Variants in SNX29 observed in about 807,000 individuals in gnomAD.
SNX29 encodes the protein sorting nexin-29.
A neutral mutation model predicts 102.1 loss-of-function variants in SNX29; 78 were observed. The ratio of observed to expected loss-of-function variants is 0.76; its 90% confidence interval spans 0.64 to 0.92. The LOEUF (loss-of-function observed/expected upper bound fraction) is 0.92. Among genes scored for constraint, SNX29 ranks in the 40% least tolerant of loss-of-function variants. SNX29 has a pLI of 0.00. For synonymous variants in SNX29, 580 were observed against 414.5 expected (o/e 1.40, Z -4.85); for missense variants, 1,280 against 1,061.7 (o/e 1.21, Z -2.86).
intron 18 of SNX29, among the ~76,000 whole-genome samples, chr16:12,434,588 G>C (rs1425071244): frequency 6.6e-6 from 1 of 152,044 alleles, no homozygotes; most frequent in Non-Finnish European, 1.5e-5. Context: ...TGTGTACCCT[G>C]CAACCCCCAA....
chr16:12,516,621 T>C (rs920948838), intron 19 of SNX29, among the ~76,000 whole-genome samples: 1 of 152,092 alleles, frequency 6.6e-6, no homozygotes, highest in African/African-American at 2.4e-5. Context: ...CCAAAGCAGA[T>C]ATCTCTTAAG....
At chr16:12,312,819 C>G (rs562279251) in intron 15 of SNX29, among the ~76,000 whole-genome samples, 2 of 152,190 alleles carry the variant, frequency 1.3e-5, no homozygotes, top group African/African-American at 4.8e-5. Context: ...GGATGTTTTA[C>G]TGAGTTCACA....
chr16:12,565,642 A>G (rs1017994885), intron 20 of SNX29, among the ~76,000 whole-genome samples: 1 of 152,184 alleles, frequency 6.6e-6, no homozygotes, highest in Non-Finnish European at 1.5e-5. Context: ...TGTGACACAT[A>G]TAGCCTCGTG....
chr16:12,542,642 A>G (rs574633018), intron 20 of SNX29, among the ~76,000 whole-genome samples: 1 of 152,176 alleles, frequency 6.6e-6, no homozygotes, highest in Non-Finnish European at 1.5e-5. Flanking sequence ...TGGGTCTAAC[A>G]CTTAAACTTG....
rs1217591049 is a variant in SNX29, at chr16:12,568,584, G to A, written c.2397G>A (p.Gln799=). The change falls in exon 21 of 21, where the codon CAG becomes CAA. Residue 799 remains glutamine (Q), a synonymous_variant. Coordinates refer to ENST00000566228, the MANE Select transcript of SNX29 (RefSeq NM_032167.5). ...GCTTCCCCAAACTGTCCCGGGGTCA[G>A]CCCCGGGAGACCCGCAACGTGGAGC... ...ASRFPKLSRG[Q]PRETRNVEPQ... 7 of 1,606,854 alleles carry A rather than the reference G, an allele frequency of 4.4e-6. No individual in the cohort carries two copies. The highest frequency in any genetic ancestry group is 4.2e-6 in the Non-Finnish European group (5 of 1,179,830).
rs77538805 is a variant in SNX29 at position 12,272,156 on chromosome 16, T to C, written c.1679-5777T>C. ...CCCCAAGCCTTTAAGGTCAAAAAGC[T>C]TATTTCTGCACCTCTGCCCCCACCA... On this transcript the variant is annotated intron_variant, in intron 14 of 20. Transcript: ENST00000566228. Among the ~76,000 whole-genome samples, 785 of 152,294 alleles carry C rather than the reference T, an allele frequency of 5.2e-3. 6 individuals carry two copies. The highest frequency in any genetic ancestry group is 0.017 in the African/African-American group (717 of 41,568).
intron 20 of SNX29, among the ~76,000 whole-genome samples, chr16:12,536,808 T>C (rs1419110774): frequency 6.6e-6 from 1 of 152,038 alleles, no homozygotes; most frequent in East Asian, 1.9e-4. Context: ...AAACCCCATC[T>C]CTATTAAAAC....
intron 11 of SNX29, among the ~76,000 whole-genome samples, chr16:12,091,758 C>G (rs1596850575): frequency 7.9e-6 from 1 of 126,446 alleles, no homozygotes; most frequent in African/African-American, 3.2e-5. Context: ...GCCTGGGCAA[C>G]AGAGCAAGAT....
chr16:12,567,280 G>A (rs994260564), intron 20 of SNX29, among the ~76,000 whole-genome samples: 3 of 150,814 alleles, frequency 2.0e-5, no homozygotes, highest in Non-Finnish European at 4.4e-5. Flanking sequence ...AGTGGATCCA[G>A]GACTTACATC....
intron 19 of SNX29, among the ~76,000 whole-genome samples, chr16:12,508,674 G>A (rs1310563614): frequency 1.3e-5 from 2 of 152,196 alleles, no homozygotes; most frequent in Non-Finnish European, 2.9e-5. Flanking sequence ...CCTCTGTTAA[G>A]CCTGTGGCCA....
chr16:12,227,484 C>G (rs1025870974), intron 14 of SNX29, among the ~76,000 whole-genome samples: 12 of 152,188 alleles, frequency 7.9e-5, no homozygotes, highest in Admixed American at 7.9e-4. Context: ...CAGAAATGAC[C>G]AACTCAATTC....
At chr16:12,094,300 G>C (rs1247844734) in intron 11 of SNX29, among the ~76,000 whole-genome samples, 1 of 152,154 alleles carries the variant, frequency 6.6e-6, no homozygotes, top group South Asian at 2.1e-4. Context: ...ATCCAAGAGA[G>C]TATCTGGCAT....
chr16:12,382,552 G>T (rs1016896820), intron 16 of SNX29, among the ~76,000 whole-genome samples: 1 of 152,226 alleles, frequency 6.6e-6, no homozygotes, highest in East Asian at 1.9e-4. Flanking sequence ...GCAGGGCCTG[G>T]TGCTGAGCAT....
Position 12,525,946 on chromosome 16 carries a change from C to A in SNX29, c.2318+1105C>A, listed in dbSNP as rs190471637. 2.4e-4 allele frequency among the ~76,000 whole-genome samples: 36 copies of A among 152,246 alleles called. No homozygotes were observed. In the East Asian group the frequency reaches 7.0e-3, roughly 29 times the overall value. On this transcript the variant is annotated intron_variant, in intron 20 of 20. Coordinates refer to ENST00000566228, the MANE Select transcript of SNX29 (RefSeq NM_032167.5). Reference sequence around the variant, plus strand: ...GATTAGTCCACTCTGTTGTCATAACCTGGGAATGCTGACATTTACATCCTT... The same window carrying A: ...GATTAGTCCACTCTGTTGTCATAACATGGGAATGCTGACATTTACATCCTT...
At chr16:12,544,878 G>A (rs1416381030) in intron 20 of SNX29, among the ~76,000 whole-genome samples, 5 of 152,158 alleles carry the variant, frequency 3.3e-5, no homozygotes, top group African/African-American at 4.8e-5. Flanking sequence ...CACAGCCCCT[G>A]GCCTGTGGTC....
chr16:12,363,411 A>G (rs2082362327), intron 16 of SNX29, among the ~76,000 whole-genome samples: 1 of 152,170 alleles, frequency 6.6e-6, no homozygotes, highest in South Asian at 2.1e-4. Context: ...GCTTCCTCCC[A>G]GACACCAGGG....
At chr16:12,020,028 C>G (rs1043621482) in intron 3 of SNX29, among the ~76,000 whole-genome samples, 12 of 152,076 alleles carry the variant, frequency 7.9e-5, no homozygotes, top group Non-Finnish European at 1.6e-4. Flanking sequence ...AAGATATTGA[C>G]TTATCAGTAT....
intron 1 of SNX29, among the ~76,000 whole-genome samples, chr16:11,978,564 CAT>C (rs528435081): frequency 5.9e-5 from 9 of 152,098 alleles, no homozygotes; most frequent in Non-Finnish European, 1.3e-4. Context: ...TGCAAGAGCT[CAT>C]GTGGGGTAGG....
chr16:12,322,906 G>T (rs2080990724), intron 15 of SNX29, among the ~76,000 whole-genome samples: 3 of 144,538 alleles, frequency 2.1e-5, no homozygotes, highest in Non-Finnish European at 4.5e-5. Flanking sequence ...GTCAGGATGC[G>T]GTCACTGGAG....
Sources: allele counts gnomAD v4.1 joint callset (sites outside exome capture counted in the v4.1 genomes callset), GRCh38; gene constraint gnomAD v4.1.1; transcripts MANE v1.5; gene names NCBI Gene and HGNC (gene_info 2026-07-23, HGNC 2026-07-21).